The following ADAMTSL4 variants were observed in gnomAD, a reference collection of about 807,000 sequenced individuals.
ADAMTSL4 encodes the protein ADAMTS like 4.
A neutral mutation model predicts 122.8 loss-of-function variants in ADAMTSL4; 97 were observed. The observed-to-expected ratio is 0.79, with a 90% CI of 0.67 to 0.93. The LOEUF is 0.93. Among genes scored for constraint, ADAMTSL4 ranks in the 40% least tolerant of loss-of-function variants. The pLI, the probability that ADAMTSL4 is intolerant of heterozygous loss-of-function variation, is 0.00. For synonymous variants in ADAMTSL4, 592 were observed against 568.0 expected, an observed-to-expected ratio of 1.04 and a Z score of -0.60; for missense variants, 1,408 against 1,453.5, an observed-to-expected ratio of 0.97 and a Z score of 0.51.
rs1270703469 is a variant in ADAMTSL4 at position 150,558,301 on chromosome 1, A to C, written c.2382+152A>C. On this transcript the variant is annotated intron_variant, in intron 14 of 18. Transcript: ENST00000271643. ...ATATAGAAGTCAGATAAGGGACTGA[A>C]CCAGGGACTGGGGGCCCAGGGCCCT... is the stretch of plus-strand genomic sequence containing the variant. The C allele has an allele frequency of 3.3e-6, 5 of 1,512,150 alleles. No homozygotes were observed. In the African/African-American group the frequency reaches 6.9e-5, roughly 21 times the overall value. 93.7% of individuals were successfully genotyped at this position (1,512,150 alleles called of 1,614,324 possible).
In ADAMTSL4 at chr1:150,558,460, C is replaced by G; in HGVS notation, c.2383-13C>G. 3 of 1,613,120 alleles carry G rather than the reference C, an allele frequency of 1.9e-6. No individual in the cohort carries two copies. Among genetic ancestry groups the G allele is most frequent in the African/African-American group, 1.3e-5 (1 of 75,046 alleles). ...GGGAAGCCCAGCTCCCTGGATTCCCCTCGCCCCCTCAGTGCTCCGTGCGGT... is the reference window on the plus strand; with the variant it reads ...GGGAAGCCCAGCTCCCTGGATTCCCGTCGCCCCCTCAGTGCTCCGTGCGGT... On this transcript the variant is annotated splice_polypyrimidine_tract_variant and intron_variant, in intron 14 of 18. Transcript: ENST00000271643.
chr1:150,557,872 T>A, intron 13 of ADAMTSL4, 73 bp from the exon 14 acceptor site: 3 of 1,538,084 alleles, frequency 2.0e-6, no homozygotes, highest in African/African-American at 2.7e-5. Context: ...GTGTCTTCCA[T>A]CTCTGCTGCC....
intron 7 of ADAMTSL4, among the ~76,000 whole-genome samples, chr1:150,555,072 C>G (rs1232923476): frequency 6.6e-6 from 1 of 151,754 alleles, no homozygotes; most frequent in African/African-American, 2.4e-5. Context: ...TCACTGCAAC[C>G]TCTGCTTCCT....
At chr1:150,558,691 C>T (rs1219449872) in intron 15 of ADAMTSL4, 42 bp downstream of exon 15, 3 of 1,613,740 alleles carry the variant, frequency 1.9e-6, no homozygotes, top group Non-Finnish European at 2.5e-6. Context: ...TCCTGGGTAA[C>T]CACGCCCAGG....
chr1:150,552,363 C>T lies in ADAMTSL4; in HGVS notation c.20+55C>T. ...AGGAAAAGGGGAGGTGCTGGGATGG[C>T]TCTGTGTCTGGAAGTGAGGGAAAGG... On this transcript the variant is annotated intron_variant, in intron 3 of 18. Transcript: ENST00000271643. This position sits in a 1 kb window ranked among gnomAD's most constrained non-coding sequence, Gnocchi z 4.0. The T allele has an allele frequency of 1.3e-6, 2 of 1,544,750 alleles. No individual in the cohort carries two copies. Among genetic ancestry groups the T allele is most frequent in the South Asian group, 2.4e-5 (2 of 83,922 alleles).
rs370381933 is a variant in ADAMTSL4 at position 150,555,462 on chromosome 1, G to A, written c.1268G>A (p.Arg423Gln). ...QGSQRCELNC[R>Q]PRGFRFYVRH... Reference sequence around the variant, plus strand: ...TCCCAGCGCTGTGAACTGAACTGCCGGCCCCGTGGCTTCCGCTTCTATGTC... The same window carrying A: ...TCCCAGCGCTGTGAACTGAACTGCCAGCCCCGTGGCTTCCGCTTCTATGTC... The change falls in exon 8 of 19, where the codon CGG (arginine) becomes CAG (glutamine). Residue 423 changes from arginine to glutamine, a missense_variant. Physicochemically the swap from Arg to Gln is conservative, Grantham distance 43. Transcript: ENST00000271643. 2.6e-4 allele frequency: 412 copies of A among 1,614,114 alleles called. 3 individuals carry two copies. The South Asian group carries it at 4.2e-3, about 16-fold the overall frequency.
Position 150,549,446 on chromosome 1 carries a change from A to C in ADAMTSL4, c.-212A>C, listed in dbSNP as rs1671177652. The C allele has an allele frequency of 6.6e-6, 1 of 152,156 alleles. No homozygotes were observed. Among genetic ancestry groups the C allele is most frequent in the Non-Finnish European group, 1.5e-5 (1 of 67,934 alleles). 9.4% of individuals were successfully genotyped at this position (152,156 alleles called of 1,614,324 possible). A position where few individuals can be genotyped will look rare whatever the true frequency, so the allele number is the denominator to read the frequency against. ...GCCGCCGCGGAGCGAGGTTGCCTGG[A>C]GAGAGCGCCTGGGCGCAGAAGGGTT... On this transcript the variant is annotated 5_prime_UTR_variant, in exon 1 of 19. Transcript: ENST00000271643. This position sits in a 1 kb window ranked among gnomAD's most constrained non-coding sequence, Gnocchi z 5.0.
rs201199312 is a variant in ADAMTSL4 at position 150,556,329 on chromosome 1, C to T, written c.1539C>T (p.Leu513=). ...ILWIPAGALR[L]QIAQLRPSSN... is the part of the protein sequence containing the mutation. ...GGATTCCAGCGGGAGCCTTGCGGCT[C>T]CAGATTGCCCAGCTCCGGCCTAGCT... Residue 513 remains leucine, a synonymous_variant, in exon 9 of 19, where the codon CTC becomes CTT. Coordinates refer to ENST00000271643, the MANE Select transcript of ADAMTSL4 (RefSeq NM_019032.6). The surrounding 1 kb of genome is among the most constrained non-coding windows in gnomAD (Gnocchi z 4.1). 10 of 1,614,056 alleles carry T rather than the reference C, an allele frequency of 6.2e-6. No homozygotes were observed. The highest frequency in any genetic ancestry group is 8.5e-6 in the Non-Finnish European group (10 of 1,180,012).
rs958847827 is a variant in ADAMTSL4 at position 150,557,827 on chromosome 1, C to T, written c.2178-118C>T. The T allele has an allele frequency of 2.4e-4, 337 of 1,405,264 alleles. 1 individual carries two copies. Among genetic ancestry groups the T allele is most frequent in the East Asian group, 2.0e-3 (79 of 39,988 alleles). 87.0% of individuals were successfully genotyped at this position (1,405,264 alleles called of 1,614,324 possible). A position where few individuals can be genotyped will look rare whatever the true frequency, so the allele number is the denominator to read the frequency against. ...AGGAACCCAGACTCCAAACGCCAAACGTGCCCACTCTCCTCTGAGGCCCCC... is the reference window on the plus strand; with the variant it reads ...AGGAACCCAGACTCCAAACGCCAAATGTGCCCACTCTCCTCTGAGGCCCCC... On this transcript the variant is annotated intron_variant, in intron 13 of 18. Coordinates refer to ENST00000271643, the MANE Select transcript of ADAMTSL4 (RefSeq NM_019032.6).
At position 150,556,585 on chromosome 1, in the gene ADAMTSL4, C is replaced by T. The variant is rs750327960; in HGVS notation, c.1577-36C>T. ...TGTGGGAGGAGGAAGGTATTATCAC[C>T]CTGGAATTTCCCGATCTCTCACCTC... is the stretch of plus-strand genomic sequence containing the variant. On this transcript the variant is annotated intron_variant, in intron 9 of 18. Coordinates refer to ENST00000271643, the MANE Select transcript of ADAMTSL4 (RefSeq NM_019032.6). This position sits in a 1 kb window ranked among gnomAD's most constrained non-coding sequence, Gnocchi z 4.1. 105 of 1,613,364 alleles carry T rather than the reference C, an allele frequency of 6.5e-5. No homozygotes were observed. The highest frequency in any genetic ancestry group is 8.6e-5 in the Non-Finnish European group (102 of 1,179,804).
At position 150,553,583 on chromosome 1, in the gene ADAMTSL4, A is replaced by G; in HGVS notation, c.592A>G (p.Thr198Ala). Residue 198 changes from threonine (T) to alanine (A), a missense_variant, in exon 6 of 19, where the codon ACT (threonine) becomes GCT (alanine). By Grantham distance (58) the Thr-to-Ala change is moderately conservative (BLOSUM62 0). Transcript: ENST00000271643. The part of the protein sequence containing the change: ...SRGEEAIPSP[T>A]PRAEPFSANG... ...AGGGGAAGAGGCTATTCCGTCCCCT[A>G]CTCCAAGAGCAGAGCCATTCTCCGC... 2 of 1,613,416 alleles carry G rather than the reference A, an allele frequency of 1.2e-6. No individual in the cohort carries two copies. Among genetic ancestry groups the G allele is most frequent in the Non-Finnish European group, 1.7e-6 (2 of 1,179,834 alleles).
intron 15 of ADAMTSL4, 146 bp downstream of exon 15, chr1:150,558,795 A>C (rs1672487582): frequency 2.6e-6 from 4 of 1,547,946 alleles, no homozygotes; most frequent in Non-Finnish European, 3.5e-6. Context: ...AAGTGAGAAC[A>C]ACTTCCATGA....
In ADAMTSL4 at chr1:150,557,566, C is replaced by T. The variant is rs200834788; in HGVS notation, c.2120C>T (p.Ala707Val). Residue 707 changes from alanine (A) to valine (V), a missense_variant, in exon 13 of 19, where the codon GCG becomes GTG. Physicochemically the swap from Ala to Val is moderately conservative, Grantham distance 64. Coordinates refer to ENST00000271643, the MANE Select transcript of ADAMTSL4 (RefSeq NM_019032.6). ...GAACTGGATGAACGCAGCTGTGCCG[C>T]GGGTGCCAGGCCCCCAGCCTCCCCT... ...GEELDERSCA[A>V]GARPPASPEP... The T allele has an allele frequency of 2.3e-4, 367 of 1,606,556 alleles. 2 individuals carry two copies. Among genetic ancestry groups the T allele is most frequent in the South Asian group, 1.9e-3 (173 of 90,170 alleles).
chr1:150,558,812 C>G, intron 15 of ADAMTSL4, 150 bp from the exon 16 acceptor site: 1 of 1,541,714 alleles, frequency 6.5e-7, no homozygotes, highest in East Asian at 2.4e-5. Flanking sequence ...ATGAGGGGCC[C>G]GGCTAGGATT....
Position 150,558,998 on chromosome 1 carries a change from T to C in ADAMTSL4, c.2596T>C (p.Ser866Pro), listed in dbSNP as rs1672512044. The C allele has an allele frequency of 6.2e-7, 1 of 1,611,304 alleles. No individual in the cohort carries two copies. The highest frequency in any genetic ancestry group is 8.5e-7 in the Non-Finnish European group (1 of 1,179,686). The change falls in exon 16 of 19, where the codon TCT (serine) becomes CCT (proline). Residue 866 changes from serine (S) to proline (P), a missense_variant. Ser to Pro is a moderately conservative substitution (Grantham distance 74). Transcript: ENST00000271643. ...GTGTGGGACGGGAATCCAGCGGCGC[T>C]CTGTGGTCTGCCTTGGGAGTGGGGC... The part of the protein sequence containing the change: ...AECGTGIQRR[S>P]VVCLGSGAAL...
At position 150,557,310 on chromosome 1, in the gene ADAMTSL4, T is replaced by C. The variant is rs1373653179; in HGVS notation, c.2022T>C (p.Ser674=). The C allele has an allele frequency of 6.2e-7, 1 of 1,611,970 alleles. No individual in the cohort carries two copies. The highest frequency in any genetic ancestry group is 1.7e-5 in the Admixed American group (1 of 59,820). Residue 674 remains serine, a synonymous_variant, in exon 12 of 19, where the codon TCT becomes TCC. Coordinates refer to ENST00000271643, the MANE Select transcript of ADAMTSL4 (RefSeq NM_019032.6). ...PAAYWKRVGH[S]ACSASCGKGV... ...CGTACTGGAAACGAGTGGGACACTC[T>C]GCATGCTCAGCGTCCTGCGGGAAAG... is the stretch of plus-strand genomic sequence containing the variant.
At position 150,554,473 on chromosome 1, in the gene ADAMTSL4, G is replaced by T. The variant is rs1242303221; in HGVS notation, c.1234+6G>T. Reference sequence around the variant, plus strand: ...GTGGGAGCCCTTCACTGAAGGTGAGGTTTCTTGCTCACCCCTGGGCAGTGG... The same window carrying T: ...GTGGGAGCCCTTCACTGAAGGTGAGTTTTCTTGCTCACCCCTGGGCAGTGG... On this transcript the variant is annotated splice_donor_region_variant and intron_variant, in intron 7 of 18. Transcript: ENST00000271643. The surrounding 1 kb of genome is among the most constrained non-coding windows in gnomAD (Gnocchi z 4.0). 6.2e-7 allele frequency: 1 copy of T among 1,614,102 alleles called. No homozygotes were observed. Among genetic ancestry groups the T allele is most frequent in the Non-Finnish European group, 8.5e-7 (1 of 1,179,966 alleles).
At chr1:150,558,274 C>T in intron 14 of ADAMTSL4, 125 bp downstream of exon 14, 2 of 1,536,950 alleles carry the variant, frequency 1.3e-6, no homozygotes, top group Non-Finnish European at 8.8e-7. Flanking sequence ...TATGGACCCC[C>T]AATATAGAAG....
In ADAMTSL4 at chr1:150,554,078, A is replaced by C; in HGVS notation, c.1087A>C (p.Arg363=). ...CTTTGCTCCCAGTAGCCCTATTCCA[A>C]GATGTTCTGGGGAGAGTGAACAGCT... The part of the protein sequence containing the change: ...SLFAPSSPIP[R]CSGESEQLRA... The change falls in exon 6 of 19, where the codon AGA becomes CGA. Residue 363 remains arginine, a synonymous_variant. Coordinates refer to ENST00000271643, the MANE Select transcript of ADAMTSL4 (RefSeq NM_019032.6). This position sits in a 1 kb window ranked among gnomAD's most constrained non-coding sequence, Gnocchi z 4.0. The C allele has an allele frequency of 6.2e-7, 1 of 1,603,070 alleles. No homozygotes were observed. The highest frequency in any genetic ancestry group is 1.7e-5 in the Admixed American group (1 of 60,006).
Sources: gnomAD v4.1 joint callset for allele counts (sites outside exome capture counted in the v4.1 genomes callset) on GRCh38, gnomAD v4.1.1 for gene constraint, Gnocchi (gnomAD v3.1) non-coding constraint, MANE v1.5 for transcripts, NCBI Gene and HGNC (gene_info 2026-07-23, HGNC 2026-07-21) for gene names.